The following ITGBL1 variants were observed in gnomAD, a reference collection of about 807,000 sequenced individuals.
ITGBL1 encodes integrin subunit beta like 1.
ITGBL1 carries 51 observed loss-of-function variants against 68.5 expected under a neutral mutation model. The observed-to-expected ratio is 0.74, with a 90% CI of 0.59 to 0.94. The LOEUF (loss-of-function observed/expected upper bound fraction) is 0.94, where lower values mean the gene tolerates loss of function less well. ITGBL1 is among the 40% of genes least tolerant of loss of function. The pLI is 0.00. For missense variants in ITGBL1, 649 were observed against 647.4 expected, an observed-to-expected ratio of 1.00 and a Z score of -0.03; for synonymous variants, 209 against 227.3, an observed-to-expected ratio of 0.92 and a Z score of 0.72.
chr13:101,499,488 G>T (rs2048907510), intron 2 of ITGBL1, among the ~76,000 whole-genome samples: 1 of 152,194 alleles, frequency 6.6e-6, no homozygotes, highest in Non-Finnish European at 1.5e-5. Flanking sequence ...AAAGAAAATT[G>T]TTTGCTAGCA....
In ITGBL1 at chr13:101,583,230, G is replaced by A. The variant is rs1472558790; in HGVS notation, c.742G>A (p.Gly248Ser). Residue 248 changes from glycine to serine, a missense_variant, in exon 6 of 11, where the codon GGT (glycine) becomes AGT (serine). Physicochemically the swap from Gly to Ser is moderately conservative, Grantham distance 56. Transcript: ENST00000376180. ...TTCCCACCTAGGGACTTGTGTATGT[G>A]GTGAATGTACCTGTCACGATGTTGA... ...ICSNRGTCVCGECTCHDVDPT... is the reference protein window; with the variant it reads ...ICSNRGTCVCSECTCHDVDPT... 3.1e-6 allele frequency: 5 copies of A among 1,613,590 alleles called. No homozygotes were observed. In the East Asian group the frequency reaches 8.9e-5, roughly 29 times the overall value.
chr13:101,643,196 G>T (rs1240989509), intron 7 of ITGBL1, among the ~76,000 whole-genome samples: 1 of 151,314 alleles, frequency 6.6e-6, no homozygotes, highest in Non-Finnish European at 1.5e-5. Context: ...CTACCCATGA[G>T]CATGGAATGT....
intron 7 of ITGBL1, among the ~76,000 whole-genome samples, chr13:101,678,448 A>T (rs1377468402): frequency 6.6e-6 from 1 of 151,694 alleles, no homozygotes; most frequent in Non-Finnish European, 1.5e-5. Flanking sequence ...GGAAGAAAAC[A>T]GTTTAATTAG....
At chr13:101,534,252 G>C (rs574725005) in intron 2 of ITGBL1, among the ~76,000 whole-genome samples, 1 of 152,188 alleles carries the variant, frequency 6.6e-6, no homozygotes, top group South Asian at 2.1e-4. Context: ...GCAGGCATAG[G>C]CTACTCTTTC....
At chr13:101,608,047 C>T (rs528922589) in intron 7 of ITGBL1, among the ~76,000 whole-genome samples, 11 of 152,002 alleles carry the variant, frequency 7.2e-5, no homozygotes, top group Admixed American at 5.3e-4. Context: ...GTTCCTTAAA[C>T]ACATAACCAT....
intron 7 of ITGBL1, among the ~76,000 whole-genome samples, chr13:101,601,818 T>C (rs2030399811): frequency 6.6e-6 from 1 of 152,204 alleles, no homozygotes; most frequent in Non-Finnish European, 1.5e-5. Context: ...ATATAATTTC[T>C]GTTCTTTTAC....
chr13:101,552,224 A>C (rs529645622), intron 2 of ITGBL1, among the ~76,000 whole-genome samples: 10 of 152,312 alleles, frequency 6.6e-5, no homozygotes, highest in African/African-American at 2.4e-4. Context: ...AGTCCTCAAG[A>C]AAGGAGATGG....
intron 7 of ITGBL1, among the ~76,000 whole-genome samples, chr13:101,680,865 C>T (rs1308557469): frequency 1.3e-5 from 2 of 152,094 alleles, no homozygotes; most frequent in Non-Finnish European, 2.9e-5. Context: ...AAAGTTAGAG[C>T]CCACATTTTT....
At chr13:101,554,781 C>G (rs936084136) in intron 2 of ITGBL1, among the ~76,000 whole-genome samples, 5 of 152,208 alleles carry the variant, frequency 3.3e-5, no homozygotes, top group African/African-American at 1.2e-4. Flanking sequence ...TGTGGAGTGC[C>G]ACACAATTCA....
chr13:101,700,196 A>T (rs571894583), intron 8 of ITGBL1, among the ~76,000 whole-genome samples: 38 of 152,278 alleles, frequency 2.5e-4, no homozygotes, highest in Admixed American at 1.8e-3. Flanking sequence ...GAGTGTCTCA[A>T]ATACAACAGG....
intron 7 of ITGBL1, among the ~76,000 whole-genome samples, chr13:101,599,874 G>A (rs1259044495): frequency 8.5e-5 from 13 of 152,264 alleles, no homozygotes; most frequent in East Asian, 5.8e-4. Flanking sequence ...GTTGCGTGAT[G>A]CCTCCAGCTT....
intron 2 of ITGBL1, among the ~76,000 whole-genome samples, chr13:101,530,069 A>G (rs76052136): frequency 0.019 from 2,933 of 152,278 alleles, 114 homozygotes; most frequent in African/African-American, 0.067. Flanking sequence ...AACAGCCTAA[A>G]ACAACCAAAA....
chr13:101,547,587 A>G (rs1310305983), intron 2 of ITGBL1, among the ~76,000 whole-genome samples: 1 of 151,824 alleles, frequency 6.6e-6, no homozygotes, highest in African/African-American at 2.4e-5. Flanking sequence ...GGGAACTGAG[A>G]TGGTTAATGG....
intron 2 of ITGBL1, among the ~76,000 whole-genome samples, chr13:101,458,016 G>C (rs1309055488): frequency 6.6e-6 from 1 of 152,128 alleles, no homozygotes; most frequent in Non-Finnish European, 1.5e-5. Flanking sequence ...AGTAATTTAG[G>C]AAGAGCTAAT....
intron 2 of ITGBL1, among the ~76,000 whole-genome samples, chr13:101,491,080 T>G (rs2048768981): frequency 6.6e-6 from 1 of 152,238 alleles, no homozygotes; most frequent in Non-Finnish European, 1.5e-5. Context: ...TTCTGCAATA[T>G]AATTTGTAAG....
At chr13:101,640,826 G>A (rs574362447) in intron 7 of ITGBL1, among the ~76,000 whole-genome samples, 6 of 152,026 alleles carry the variant, frequency 3.9e-5, no homozygotes, top group Non-Finnish European at 8.8e-5. Context: ...CCATTTTTAT[G>A]CCCATGAGTA....
intron 1 of ITGBL1, 79 bp from the exon 2 acceptor site, chr13:101,453,804 T>C (rs2048196810): frequency 1.0e-6 from 1 of 958,468 alleles, no homozygotes; most frequent in Non-Finnish European, 1.3e-6. Flanking sequence ...GAGGGGACAC[T>C]GGGGAGGAAA....
chr13:101,655,391 G>A (rs2139463269), intron 7 of ITGBL1, among the ~76,000 whole-genome samples: 1 of 75,108 alleles, frequency 1.3e-5, no homozygotes, highest in African/African-American at 4.2e-5. Flanking sequence ...GAAAAATTTA[G>A]TCAAATTTAT....
intron 2 of ITGBL1, among the ~76,000 whole-genome samples, chr13:101,534,626 C>T (rs964413625): frequency 6.6e-6 from 1 of 152,060 alleles, no homozygotes; most frequent in Non-Finnish European, 1.5e-5. Context: ...TGGCCTCCAT[C>T]TTCCTGATGA....
Sources: gnomAD v4.1 joint callset for allele counts (sites outside exome capture counted in the v4.1 genomes callset) on GRCh38, gnomAD v4.1.1 for gene constraint, MANE v1.5 for transcripts, NCBI Gene and HGNC (gene_info 2026-07-23, HGNC 2026-07-21) for gene names.